The following RBAK variants were observed in gnomAD, a reference collection of about 807,000 sequenced individuals.
The protein encoded by RBAK is RB-associated KRAB zinc finger protein.
Under a neutral mutation model 65.8 loss-of-function variants are expected in RBAK, and 39 were observed. The ratio of observed to expected loss-of-function variants is 0.59; its 90% CI spans 0.46 to 0.77. RBAK has a LOEUF of 0.77. RBAK is among the 30% of genes least tolerant of loss of function. RBAK has a pLI of 0.00. For missense variants in RBAK, 884 were observed against 855.1 expected, an observed-to-expected ratio of 1.03 and a Z score of -0.42; for synonymous variants, 343 against 289.7, an observed-to-expected ratio of 1.18 and a Z score of -1.87.
At position 5,057,413 on chromosome 7, in the gene RBAK, T is replaced by C. The variant is rs768790205; in HGVS notation, c.134T>C (p.Val45Ala). 6.2e-7 allele frequency: 1 copy of C among 1,614,102 alleles called. No homozygotes were observed. Among genetic ancestry groups the C allele is most frequent in the Non-Finnish European group, 8.5e-7 (1 of 1,180,006 alleles). The change falls in exon 3 of 5, where the codon GTT becomes GCT. Residue 45 changes from valine to alanine, a missense_variant. Coordinates refer to ENST00000396912, the MANE Select transcript of RBAK (RefSeq NM_021163.4). ...DVMLENYSHL[V>A]SVGYDTTKPN... ...ATGTTGGAGAACTATAGCCATCTAG[T>C]TTCTGTGGGTGAGAATAGCTTGCTT...
In RBAK at chr7:5,047,051, C is replaced by G. The variant is rs1371253873; in HGVS notation, c.-45+655C>G. 3.3e-5 allele frequency among the ~76,000 whole-genome samples: 5 copies of G among 152,192 alleles called. No individual in the cohort carries two copies. In the East Asian group the frequency reaches 9.6e-4, roughly 29 times the overall value. On this transcript the variant is annotated intron_variant, in intron 1 of 4. Transcript: ENST00000396912. ...TACACATTCATTTCATTTCTGAGAGCTCACATACTCAATTCCTATGGCTTC... is the reference window on the plus strand; with the variant it reads ...TACACATTCATTTCATTTCTGAGAGGTCACATACTCAATTCCTATGGCTTC...
Position 5,045,962 on chromosome 7 carries a change from G to A in RBAK, c.-479G>A. ...CGCGGAGCCTGCGGGGCTGGAGGTT[G>A]AGCGCCCGGGCCAGCACCTAGGCGG... is the stretch of plus-strand genomic sequence containing the variant. On this transcript the variant is annotated 5_prime_UTR_variant, in exon 1 of 5. Transcript: ENST00000396912. The A allele has an allele frequency of 3.1e-6, 1 of 321,850 alleles. No homozygotes were observed. The highest frequency in any genetic ancestry group is 2.4e-5 in the South Asian group (1 of 42,144). The allele number at this position is 321,850 out of a possible 1,614,324, so 19.9% of individuals were successfully genotyped here.
At chr7:5,055,391 A>G (rs1269593834) in intron 2 of RBAK, among the ~76,000 whole-genome samples, 6 of 152,056 alleles carry the variant, frequency 3.9e-5, no homozygotes, top group Non-Finnish European at 7.4e-5. Context: ...CAATATTTAT[A>G]TTTGTGTATA....
chr7:5,049,765 C>G (rs1221513705), intron 2 of RBAK, among the ~76,000 whole-genome samples: 1 of 151,950 alleles, frequency 6.6e-6, no homozygotes, highest in Non-Finnish European at 1.5e-5. Flanking sequence ...GCTGTGTCAC[C>G]CAGGCTGGAG....
rs549475148 is a variant in RBAK at position 5,069,303 on chromosome 7, T to G, written c.*3702T>G. On this transcript the variant is annotated 3_prime_UTR_variant, in exon 5 of 5. Coordinates refer to ENST00000396912, the MANE Select transcript of RBAK (RefSeq NM_021163.4). ...AAATACATATTTATAGTAATTTTGATGGCAACTACTAAGATTTCCTACGCT... is the reference window on the plus strand; with the variant it reads ...AAATACATATTTATAGTAATTTTGAGGGCAACTACTAAGATTTCCTACGCT... 5.3e-5 allele frequency: 8 copies of G among 152,336 alleles called. No homozygotes were observed. Among genetic ancestry groups the G allele is most frequent in the Admixed American group, 4.6e-4 (7 of 15,298 alleles). The allele number at this position is 152,336 out of a possible 1,614,324, so 9.4% of individuals were successfully genotyped here.
chr7:5,063,955 G>C lies in RBAK; in HGVS notation c.499G>C (p.Glu167Gln), dbSNP rs757924905. 5.6e-6 allele frequency: 9 copies of C among 1,613,904 alleles called. 1 individual carries two copies. In the South Asian group the frequency reaches 9.9e-5, roughly 18 times the overall value. The change falls in exon 5 of 5, where the codon GAA becomes CAA. Residue 167 changes from glutamate to glutamine, a missense_variant. Transcript: ENST00000396912. ...YARTKPDECN[E>Q]CGKTYHGEKM... ...TAGGACAAAACCTGATGAGTGTAAT[G>C]AATGTGGGAAAACATATCATGGAGA...
intron 4 of RBAK, among the ~76,000 whole-genome samples, chr7:5,058,051 G>T (rs1778971789): frequency 7.2e-6 from 1 of 139,744 alleles, no homozygotes; most frequent in South Asian, 2.4e-4. Context: ...TGCCATTACA[G>T]AATTGTTTTG....
At chr7:5,052,366 A>G (rs778022115) in intron 2 of RBAK, among the ~76,000 whole-genome samples, 34 of 152,116 alleles carry the variant, frequency 2.2e-4, no homozygotes, top group Admixed American at 1.3e-4. Context: ...TATTGATAAA[A>G]CTAGTTAGGT....
At chr7:5,063,551 C>T (rs1454530896) in intron 4 of RBAK, 144 bp from the exon 5 acceptor site, 15 of 548,356 alleles carry the variant, frequency 2.7e-5, no homozygotes, top group Middle Eastern at 9.8e-4. Context: ...AAAAAGAGAA[C>T]TATGCATTTG....
At chr7:5,058,163 C>A (rs1778974981) in intron 4 of RBAK, among the ~76,000 whole-genome samples, 2 of 152,196 alleles carry the variant, frequency 1.3e-5, no homozygotes, top group Admixed American at 1.3e-4. Context: ...CAACCACCAC[C>A]TCACAGGTTC....
chr7:5,052,209 T>C (rs1288184060), intron 2 of RBAK, among the ~76,000 whole-genome samples: 4 of 152,246 alleles, frequency 2.6e-5, no homozygotes, highest in African/African-American at 9.6e-5. Flanking sequence ...GTATATCTTA[T>C]TCCATCCTTT....
In RBAK at chr7:5,065,510, G is replaced by C; in HGVS notation, c.2054G>C (p.Gly685Ala). Residue 685 changes from glycine (G) to alanine (A), a missense_variant, in exon 5 of 5, where the codon GGG becomes GCG. Transcript: ENST00000396912. This position sits in a 1 kb window ranked among gnomAD's most constrained non-coding sequence, Gnocchi z 5.3. ...AAACCCTATGAATGTAACGAGTGTG[G>C]GAAAAAATTCCACCACAGATCAGCC... ...GEKPYECNEC[G>A]KKFHHRSAFN... 1 of 1,605,088 alleles carries C rather than the reference G, an allele frequency of 6.2e-7. No individual in the cohort carries two copies. Among genetic ancestry groups the C allele is most frequent in the Non-Finnish European group, 8.5e-7 (1 of 1,176,348 alleles).
In RBAK at chr7:5,048,762, T is replaced by C. The variant is rs1210640916; in HGVS notation, c.15+671T>C. On this transcript the variant is annotated intron_variant, in intron 2 of 4. Transcript: ENST00000396912. The surrounding 1 kb of genome is among the most constrained non-coding windows in gnomAD (Gnocchi z 4.4). ...TGGCTCACGCCTGCAGGCTCTATCA[T>C]AGGAAGCATGGCTGGGGAGGCTTCA... Among the ~76,000 whole-genome samples, 1 of 151,606 alleles carries C rather than the reference T, an allele frequency of 6.6e-6. No homozygotes were observed. The highest frequency in any genetic ancestry group is 2.4e-5 in the African/African-American group (1 of 41,352).
intron 2 of RBAK, among the ~76,000 whole-genome samples, chr7:5,053,317 G>A (rs1788155917): frequency 6.6e-6 from 1 of 152,080 alleles, no homozygotes; most frequent in African/African-American, 2.4e-5. Context: ...TTGTCTTCCT[G>A]CTTACATTTT....
chr7:5,065,643 A>G lies in RBAK; in HGVS notation c.*42A>G. 1.5e-6 allele frequency: 2 copies of G among 1,364,070 alleles called. No individual in the cohort carries two copies. The highest frequency in any genetic ancestry group is 1.6e-5 in the South Asian group (1 of 61,672). The allele number at this position is 1,364,070 out of a possible 1,614,324, so 84.5% of individuals were successfully genotyped here. A position where few individuals can be genotyped will look rare whatever the true frequency, so the allele number is the denominator to read the frequency against. On this transcript the variant is annotated 3_prime_UTR_variant, in exon 5 of 5. Coordinates refer to ENST00000396912, the MANE Select transcript of RBAK (RefSeq NM_021163.4). The surrounding 1 kb of genome is among the most constrained non-coding windows in gnomAD (Gnocchi z 5.3). ...TTAGAAAACTCTCTGAATATAATGA[A>G]TATGGGGAATCCAATAGGAAGTCAA...
rs929806242 is a variant in RBAK, at chr7:5,067,577, A to G, written c.*1976A>G. The G allele has an allele frequency of 6.6e-6, 1 of 152,232 alleles. No individual in the cohort carries two copies. The highest frequency in any genetic ancestry group is 1.5e-5 in the Non-Finnish European group (1 of 68,032). The allele number at this position is 152,232 out of a possible 1,614,324, so 9.4% of individuals were successfully genotyped here. On this transcript the variant is annotated 3_prime_UTR_variant, in exon 5 of 5. Coordinates refer to ENST00000396912, the MANE Select transcript of RBAK (RefSeq NM_021163.4). ...CTAGCAAGTTCTTTAATGTAAATTA[A>G]CAAGCTAATTCTAGAATTCATATGC...
At chr7:5,046,526 G>C (rs897849610) in intron 1 of RBAK, 130 bp downstream of exon 1, 13 of 361,252 alleles carry the variant, frequency 3.6e-5, no homozygotes, top group African/African-American at 2.8e-4. Context: ...TTGGGTTTGA[G>C]GGCAGGGTCC....
Position 5,067,037 on chromosome 7 carries a change from T to C in RBAK, c.*1436T>C, listed in dbSNP as rs1027132819. ...TTTATGATCTTAGCAAATGATGGAT[T>C]GAAAGGGACTTACTTAACTGCATAA... On this transcript the variant is annotated 3_prime_UTR_variant, in exon 5 of 5. Coordinates refer to ENST00000396912, the MANE Select transcript of RBAK (RefSeq NM_021163.4). The C allele has an allele frequency of 7.9e-5, 12 of 152,164 alleles. No homozygotes were observed. Among genetic ancestry groups the C allele is most frequent in the Non-Finnish European group, 4.4e-5 (3 of 67,994 alleles). The allele number at this position is 152,164 out of a possible 1,614,324, so 9.4% of individuals were successfully genotyped here.
At position 5,063,952 on chromosome 7, in the gene RBAK, A is replaced by G; in HGVS notation, c.496A>G (p.Asn166Asp). 2 of 1,614,074 alleles carry G rather than the reference A, an allele frequency of 1.2e-6. No individual in the cohort carries two copies. Among genetic ancestry groups the G allele is most frequent in the Non-Finnish European group, 1.7e-6 (2 of 1,179,982 alleles). Residue 166 changes from asparagine to aspartate, a missense_variant, in exon 5 of 5, where the codon AAT (asparagine) becomes GAT (aspartate). Transcript: ENST00000396912. Reference protein sequence around the residue: ...SYARTKPDECNECGKTYHGEK... With the variant: ...SYARTKPDECDECGKTYHGEK... ...TGCTAGGACAAAACCTGATGAGTGT[A>G]ATGAATGTGGGAAAACATATCATGG... is the stretch of plus-strand genomic sequence containing the variant.
Sources: gnomAD v4.1 joint callset for allele counts (sites outside exome capture counted in the v4.1 genomes callset) on GRCh38, gnomAD v4.1.1 for gene constraint, Gnocchi (gnomAD v3.1) non-coding constraint, MANE v1.5 for transcripts, NCBI Gene and HGNC (gene_info 2026-07-23, HGNC 2026-07-21) for gene names.